CTNND2: variants seen among roughly 807,000 people sequenced by gnomAD.
CTNND2 encodes catenin delta 2.
CTNND2 carries 22 observed loss-of-function variants against 144.4 expected under a neutral mutation model. The observed-to-expected ratio is 0.15, with a 90% CI of 0.11 to 0.22. The LOEUF is 0.22. CTNND2 is among the 10% of genes least tolerant of loss of function. The probability of loss-of-function intolerance (pLI) is 1.00; values close to 1 mark genes in which losing one functional copy is unlikely to be tolerated. For synonymous variants in CTNND2, 751 were observed against 695.6 expected (o/e 1.08, Z -1.25); for missense variants, 1,353 against 1,618.8 (o/e 0.84, Z 2.82).
At chr5:11,361,085 AT>A (rs1756401972) in intron 8 of CTNND2, among the ~76,000 whole-genome samples, 1 of 152,140 alleles carries the variant, frequency 6.6e-6, no homozygotes, top group Non-Finnish European at 1.5e-5. Context: ...CAGTGGCGCG[AT>A]CCTGGCTCAG....
intron 14 of CTNND2, among the ~76,000 whole-genome samples, chr5:11,103,416 A>C (rs558662381): frequency 6.6e-6 from 1 of 152,078 alleles, no homozygotes; most frequent in African/African-American, 2.4e-5. Context: ...CATGCCCATA[A>C]TCCGAGCACT....
intron 2 of CTNND2, among the ~76,000 whole-genome samples, chr5:11,636,936 G>A (rs1396331031): frequency 6.6e-6 from 1 of 152,104 alleles, no homozygotes; most frequent in Non-Finnish European, 1.5e-5. Context: ...GAGTTCCAAG[G>A]TGCAGGTGGA....
intron 2 of CTNND2, among the ~76,000 whole-genome samples, chr5:11,724,741 A>G (rs1387141809): frequency 6.6e-6 from 1 of 152,234 alleles, no homozygotes; most frequent in African/African-American, 2.4e-5. Flanking sequence ...TATAAAAACT[A>G]TGGACTAGAC....
chr5:11,830,151 G>C (rs185698081), intron 1 of CTNND2, among the ~76,000 whole-genome samples: 2 of 152,074 alleles, frequency 1.3e-5, no homozygotes, highest in African/African-American at 2.4e-5. Context: ...TTCATCTTAC[G>C]GGCTCACAGG....
At chr5:11,738,518 A>G (rs1787825223) in intron 1 of CTNND2, among the ~76,000 whole-genome samples, 1 of 152,220 alleles carries the variant, frequency 6.6e-6, no homozygotes, top group Non-Finnish European at 1.5e-5. Context: ...TTGGAAGGCC[A>G]AACTCTCTAG....
intron 14 of CTNND2, among the ~76,000 whole-genome samples, chr5:11,108,973 G>C (rs912740129): frequency 2.0e-5 from 3 of 152,104 alleles, no homozygotes; most frequent in East Asian, 3.9e-4. Context: ...CCCAATCTTC[G>C]GATTCCCTCC....
intron 1 of CTNND2, among the ~76,000 whole-genome samples, chr5:11,875,594 C>T (rs1042060354): frequency 1.3e-5 from 2 of 151,950 alleles, no homozygotes; most frequent in Non-Finnish European, 2.9e-5. Context: ...GGGATTTTAC[C>T]GTCCGTATAG....
At chr5:11,771,285 G>T (rs778405539) in intron 1 of CTNND2, among the ~76,000 whole-genome samples, 1 of 135,868 alleles carries the variant, frequency 7.4e-6, no homozygotes, top group Non-Finnish European at 1.5e-5. Flanking sequence ...TCCACCTTCC[G>T]GCTAATTTTT....
At chr5:11,536,207 G>A (rs1774204938) in intron 3 of CTNND2, among the ~76,000 whole-genome samples, 1 of 152,054 alleles carries the variant, frequency 6.6e-6, no homozygotes, top group South Asian at 2.1e-4. Flanking sequence ...AGGACTATAA[G>A]CTCGGCCACC....
chr5:11,313,172 T>C (rs1181330370), intron 9 of CTNND2, among the ~76,000 whole-genome samples: 2 of 152,178 alleles, frequency 1.3e-5, no homozygotes, highest in African/African-American at 2.4e-5. Context: ...CTTGTACAGA[T>C]AGGTCTGCTT....
chr5:11,044,549 T>C (rs59610957), intron 16 of CTNND2, among the ~76,000 whole-genome samples: 11 of 83,266 alleles, frequency 1.3e-4, no homozygotes, highest in East Asian at 2.3e-3. Flanking sequence ...AAAATACATA[T>C]ATATATATAT....
At chr5:11,675,768 G>A (rs1473683756) in intron 2 of CTNND2, among the ~76,000 whole-genome samples, 1 of 151,892 alleles carries the variant, frequency 6.6e-6, no homozygotes, top group Non-Finnish European at 1.5e-5. Flanking sequence ...GTATATATGT[G>A]TATGTGTGTG....
chr5:11,530,567 G>T (rs1001923226), intron 3 of CTNND2, among the ~76,000 whole-genome samples: 1 of 152,178 alleles, frequency 6.6e-6, no homozygotes, highest in Admixed American at 6.5e-5. Context: ...AGGACACCAA[G>T]TCCTTTGGAA....
chr5:10,973,729 G>A lies in CTNND2; in HGVS notation c.3418-16C>T, dbSNP rs757954930. ...GTGCTGAAACCTAAACGGGAAAGAA[G>A]AGCCACACTGGGTTACTTGGTTTCC... is the stretch of plus-strand genomic sequence containing the variant. On this transcript the variant is annotated splice_polypyrimidine_tract_variant and intron_variant, in intron 21 of 21. Transcript: ENST00000304623. The surrounding 1 kb of genome is among the most constrained non-coding windows in gnomAD (Gnocchi z 5.6). The A allele has an allele frequency of 1.4e-5, 22 of 1,575,344 alleles. No individual in the cohort carries two copies. The highest frequency in any genetic ancestry group is 1.9e-5 in the Non-Finnish European group (22 of 1,161,144).
chr5:11,321,170 G>A (rs1751990536), intron 9 of CTNND2, among the ~76,000 whole-genome samples: 1 of 152,148 alleles, frequency 6.6e-6, no homozygotes, highest in Non-Finnish European at 1.5e-5. Flanking sequence ...AACAGTTTAA[G>A]TGATCGGGAA....
chr5:11,109,305 T>C (rs12655333), intron 14 of CTNND2, among the ~76,000 whole-genome samples: 19,011 of 152,188 alleles, frequency 0.12, 2,105 homozygotes, highest in East Asian at 0.51. Context: ...TATGGTTCAA[T>C]AGCAACCATT....
intron 2 of CTNND2, among the ~76,000 whole-genome samples, chr5:11,686,484 A>T (rs911570214): frequency 6.6e-6 from 1 of 152,074 alleles, no homozygotes; most frequent in African/African-American, 2.4e-5. Context: ...CAATGATAAT[A>T]CTATTTCTAG....
chr5:11,123,955 T>C (rs187160318), intron 12 of CTNND2, among the ~76,000 whole-genome samples: 35 of 152,286 alleles, frequency 2.3e-4, no homozygotes, highest in Admixed American at 5.2e-4. Context: ...TTTAGACCAA[T>C]GGCCATCAGC....
chr5:11,262,422 G>A (rs2149957250), intron 9 of CTNND2, among the ~76,000 whole-genome samples: 1 of 152,206 alleles, frequency 6.6e-6, no homozygotes, highest in South Asian at 2.1e-4. Context: ...TAGACTGGAT[G>A]TTGCCCAGTT....
Sources: gnomAD v4.1 joint callset for allele counts (sites outside exome capture counted in the v4.1 genomes callset) on GRCh38, gnomAD v4.1.1 for gene constraint, Gnocchi (gnomAD v3.1) non-coding constraint, MANE v1.5 for transcripts, NCBI Gene and HGNC (gene_info 2026-07-23, HGNC 2026-07-21) for gene names.